The following TOGARAM2 variants were observed in gnomAD, a reference collection of about 807,000 sequenced individuals.
TOGARAM2 encodes the protein TOG array regulator of axonemal microtubules 2.
TOGARAM2 carries 85 observed loss-of-function variants against 93.3 expected under a neutral mutation model. The observed-to-expected ratio is 0.91, with a 90% CI of 0.76 to 1.09. The LOEUF (loss-of-function observed/expected upper bound fraction) is 1.09, where lower values mean the gene tolerates loss of function less well. TOGARAM2 is among the 50% of genes least tolerant of loss of function. The pLI is 0.00. For missense variants in TOGARAM2, 1,277 were observed against 1,334.5 expected (o/e 0.96, Z 0.67); for synonymous variants, 593 against 552.8 (o/e 1.07, Z -1.02).
At chr2:28,976,491 C>T (rs981459996), upstream of TOGARAM2, among the ~76,000 whole-genome samples, 4 of 152,240 alleles carry the variant, frequency 2.6e-5, no homozygotes, top group African/African-American at 9.6e-5. Context: ...CTCGAGCTTT[C>T]CTGTGGCTGT....
intron 10 of TOGARAM2, among the ~76,000 whole-genome samples, chr2:29,019,281 A>C (rs996422382): frequency 6.6e-6 from 1 of 150,674 alleles, no homozygotes; most frequent in Non-Finnish European, 1.5e-5. Flanking sequence ...CCTGGGTTCA[A>C]GTGATCTTGC....
At chr2:28,986,685 T>G (rs1021454415) in intron 1 of TOGARAM2, among the ~76,000 whole-genome samples, 3 of 152,206 alleles carry the variant, frequency 2.0e-5, no homozygotes, top group Non-Finnish European at 4.4e-5. Context: ...CGTGTTGCTG[T>G]CCAGCCTCAG....
At chr2:29,034,978 T>C (rs1472786536) in intron 16 of TOGARAM2, among the ~76,000 whole-genome samples, 1 of 151,964 alleles carries the variant, frequency 6.6e-6, no homozygotes, top group South Asian at 2.1e-4. Context: ...ACTGAAACCC[T>C]GTCTCTACTA....
At chr2:28,976,186 T>C (rs13388668) in intron 1 of TOGARAM2, among the ~76,000 whole-genome samples, 71,177 of 151,874 alleles carry the variant, frequency 0.47, 17,891 homozygotes, top group Middle Eastern at 0.58. Context: ...CTGGCTAACA[T>C]GGTGAAACCC....
chr2:28,964,404 T>C (rs1307385740), intron 1 of TOGARAM2, among the ~76,000 whole-genome samples: 1 of 152,162 alleles, frequency 6.6e-6, no homozygotes. Context: ...CTCTTTTTTT[T>C]CCTCTTTATC....
intron 1 of TOGARAM2, among the ~76,000 whole-genome samples, chr2:28,964,954 G>A (rs951627275): frequency 2.0e-5 from 3 of 152,114 alleles, no homozygotes; most frequent in Non-Finnish European, 4.4e-5. Context: ...GAACATATGC[G>A]TGTATGTATC....
At chr2:29,005,766 T>C (rs1226581264) in intron 6 of TOGARAM2, among the ~76,000 whole-genome samples, 1 of 105,202 alleles carries the variant, frequency 9.5e-6, no homozygotes, top group East Asian at 2.7e-4. Context: ...TGTGTGTGAG[T>C]ACATGTGTGG....
At chr2:28,960,944 A>T (rs923984412) in intron 1 of TOGARAM2, among the ~76,000 whole-genome samples, 4 of 152,256 alleles carry the variant, frequency 2.6e-5, no homozygotes, top group African/African-American at 9.6e-5. Flanking sequence ...TTGACAAGAC[A>T]TCAAAGGTGA....
At chr2:28,983,035 G>C (rs1192600569) in intron 1 of TOGARAM2, among the ~76,000 whole-genome samples, 1 of 146,072 alleles carries the variant, frequency 6.8e-6, no homozygotes, top group Non-Finnish European at 1.5e-5. Flanking sequence ...TCCCCCAGGT[G>C]GGAGTACAGT....
At chr2:29,013,915 G>A (rs1664400351) in intron 7 of TOGARAM2, among the ~76,000 whole-genome samples, 2 of 152,192 alleles carry the variant, frequency 1.3e-5, no homozygotes, top group Non-Finnish European at 2.9e-5. Context: ...TTTTCCGTCT[G>A]TGAAATGAGA....
At chr2:28,997,846 G>A (rs1488931716) in intron 2 of TOGARAM2, among the ~76,000 whole-genome samples, 1 of 152,180 alleles carries the variant, frequency 6.6e-6, no homozygotes, top group African/African-American at 2.4e-5. Flanking sequence ...GCCCATGAAG[G>A]AGATGAAAAG....
intron 13 of TOGARAM2, 98 bp from the exon 14 acceptor site, chr2:29,026,755 T>A (rs1474160057): frequency 1.6e-6 from 2 of 1,288,316 alleles, no homozygotes; most frequent in Admixed American, 7.4e-5. Context: ...CTGGCTGGCA[T>A]GAAGCATGGG....
At chr2:29,001,476 C>T (rs1038705015) in intron 4 of TOGARAM2, among the ~76,000 whole-genome samples, 4 of 151,702 alleles carry the variant, frequency 2.6e-5, no homozygotes, top group African/African-American at 4.8e-5. Flanking sequence ...GCTGGGATTA[C>T]AGACAACCAC....
At chr2:29,002,485 A>T (rs1673355779) in intron 4 of TOGARAM2, 51 bp from the exon 5 acceptor site, 7 of 1,541,470 alleles carry the variant, frequency 4.5e-6, no homozygotes, top group Non-Finnish European at 6.2e-6. Context: ...TCCACCTTCC[A>T]CTCCCTGTTC....
intron 14 of TOGARAM2, 124 bp from the exon 15 acceptor site, chr2:29,032,810 G>A: frequency 1.4e-6 from 1 of 721,970 alleles, no homozygotes; most frequent in East Asian, 2.7e-5. Flanking sequence ...GGTAGGGATT[G>A]CTTTTGTAAT....
At chr2:28,981,269 C>T (rs901341876), upstream of TOGARAM2, 1 of 152,270 alleles carries the variant, frequency 6.6e-6, no homozygotes, top group Non-Finnish European at 1.5e-5. Flanking sequence ...GCTATGGGCT[C>T]CTTCAGCGAG....
chr2:28,994,078 C>A, intron 1 of TOGARAM2, among the ~76,000 whole-genome samples: 1 of 152,116 alleles, frequency 6.6e-6, no homozygotes, highest in Non-Finnish European at 1.5e-5. Flanking sequence ...TGCAGTGAGA[C>A]CCTGTCACAT....
chr2:28,992,123 G>T (rs1672763522), intron 1 of TOGARAM2, among the ~76,000 whole-genome samples: 1 of 152,182 alleles, frequency 6.6e-6, no homozygotes, highest in Non-Finnish European at 1.5e-5. Context: ...TGGGGGTCAG[G>T]TGCTCAGTGG....
intron 18 of TOGARAM2, among the ~76,000 whole-genome samples, chr2:29,037,115 T>G (rs901686156): frequency 4.0e-5 from 6 of 150,822 alleles, no homozygotes; most frequent in Non-Finnish European, 8.9e-5. Context: ...GGGTTTGTGG[T>G]GATGGGCAGG....
Sources: gnomAD v4.1 joint callset for allele counts (sites outside exome capture counted in the v4.1 genomes callset) on GRCh38, gnomAD v4.1.1 for gene constraint, MANE v1.5 for transcripts, NCBI Gene and HGNC (gene_info 2026-07-23, HGNC 2026-07-21) for gene names.